Variants in JHY observed in about 807,000 individuals in gnomAD.
JHY encodes jhy protein homolog.
Under a neutral mutation model 78.0 loss-of-function variants are expected in JHY, and 69 were observed. The observed-to-expected ratio is 0.88, with a 90% CI of 0.73 to 1.08. The LOEUF (loss-of-function observed/expected upper bound fraction) is 1.08, where lower values mean the gene tolerates loss of function less well. Ranked by LOEUF, JHY falls within the 50% of genes least tolerant of loss-of-function variation. The pLI is 0.00. For synonymous variants in JHY, 368 were observed against 342.6 expected, an observed-to-expected ratio of 1.07 and a Z score of -0.82; for missense variants, 944 against 927.8, an observed-to-expected ratio of 1.02 and a Z score of -0.23.
chr11:122,905,155 C>T (rs374410628), intron 3 of JHY: 3 of 1,592,646 alleles, frequency 1.9e-6, no homozygotes, highest in Non-Finnish European at 2.6e-6. Context: ...TAATAAATGC[C>T]TTCTCTTCCT....
At chr11:122,916,750 A>G (rs1479648122) in intron 3 of JHY, among the ~76,000 whole-genome samples, 1 of 151,964 alleles carries the variant, frequency 6.6e-6, no homozygotes, top group African/African-American at 2.4e-5. Context: ...AGTAATTCTC[A>G]TGGCTCAGCC....
In JHY at chr11:122,945,296, A is replaced by G. The variant is rs546907696; in HGVS notation, c.1635-1202A>G. 3.9e-5 allele frequency among the ~76,000 whole-genome samples: 6 copies of G among 152,314 alleles called. No homozygotes were observed. In the South Asian group the frequency reaches 1.2e-3, roughly 32 times the overall value. ...TGTATCCACTGAGTTTTAAATTTCA[A>G]TAATGGTATTTTCCATGTCTAGAAT... On this transcript the variant is annotated intron_variant, in intron 5 of 8. Transcript: ENST00000227349.
intron 3 of JHY, among the ~76,000 whole-genome samples, chr11:122,908,208 A>G (rs1310595524): frequency 6.6e-6 from 1 of 152,184 alleles, no homozygotes; most frequent in African/African-American, 2.4e-5. Flanking sequence ...AGAGTGCACC[A>G]GAATCATCTG....
chr11:122,952,775 A>G (rs867224195), intron 6 of JHY, among the ~76,000 whole-genome samples: 7 of 152,336 alleles, frequency 4.6e-5, no homozygotes, highest in African/African-American at 1.4e-4. Context: ...CTTTCTCATC[A>G]TCTTTGGACA....
rs377354415 is a variant in JHY at position 122,959,451 on chromosome 11, A to G, written c.*6A>G. 119 of 1,613,438 alleles carry G rather than the reference A, an allele frequency of 7.4e-5. No homozygotes were observed. The highest frequency in any genetic ancestry group is 8.9e-5 in the Non-Finnish European group (105 of 1,179,738). ...AAGTCCTTCACATCGTATAGACAACATTTGATAGGAAGGAGACCAAAAATG... is the reference window on the plus strand; with the variant it reads ...AAGTCCTTCACATCGTATAGACAACGTTTGATAGGAAGGAGACCAAAAATG... On this transcript the variant is annotated 3_prime_UTR_variant, in exon 9 of 9. Coordinates refer to ENST00000227349, the MANE Select transcript of JHY (RefSeq NM_024806.4).
At chr11:122,937,414 G>T (rs1052872292) in intron 5 of JHY, among the ~76,000 whole-genome samples, 2 of 152,024 alleles carry the variant, frequency 1.3e-5, no homozygotes, top group African/African-American at 4.8e-5. Context: ...CTTTCTTGGA[G>T]CCAGACTTTG....
In JHY at chr11:122,935,180, G is replaced by T; in HGVS notation, c.1634+105G>T. 9.4e-7 allele frequency: 1 copy of T among 1,060,316 alleles called. No individual in the cohort carries two copies. Among genetic ancestry groups the T allele is most frequent in the Non-Finnish European group, 1.3e-6 (1 of 753,902 alleles). The allele number at this position is 1,060,316 out of a possible 1,614,324, so 65.7% of individuals were successfully genotyped here. ...GAAGGGGAATCCATAAGGTGGCTAG[G>T]TGAGAAGAAGAGTTCACCTAACAAC... On this transcript the variant is annotated intron_variant, in intron 5 of 8. Transcript: ENST00000227349. The surrounding 1 kb of genome is among the most constrained non-coding windows in gnomAD (Gnocchi z 4.5).
intron 3 of JHY, among the ~76,000 whole-genome samples, chr11:122,916,691 G>A (rs1024102633): frequency 6.6e-6 from 1 of 152,142 alleles, no homozygotes; most frequent in Non-Finnish European, 1.5e-5. Context: ...CCAGGCTAGA[G>A]CGCCGTGGCA....
At chr11:122,923,682 C>T (rs943739189) in intron 3 of JHY, among the ~76,000 whole-genome samples, 1 of 151,574 alleles carries the variant, frequency 6.6e-6, no homozygotes, top group Non-Finnish European at 1.5e-5. Context: ...ATTAGACCCA[C>T]CTGGGGAGCT....
Position 122,959,297 on chromosome 11 carries a change from C to G in JHY, c.2189C>G (p.Thr730Ser), listed in dbSNP as rs754929143. The stretch of plus-strand genomic sequence containing the variant: ...CCCAAACCCAAACCATCAAATCTGA[C>G]TCATCAAGCATCAAAGGAACAAAAA... ...TIPKPKPSNLTHQASKEQKNP... is the reference protein window; with the variant it reads ...TIPKPKPSNLSHQASKEQKNP... The change falls in exon 9 of 9, where the codon ACT becomes AGT. Residue 730 changes from threonine to serine, a missense_variant. Physicochemically the swap from Thr to Ser is moderately conservative, Grantham distance 58. Transcript: ENST00000227349. The G allele has an allele frequency of 1.2e-6, 2 of 1,614,122 alleles. No individual in the cohort carries two copies. Among genetic ancestry groups the G allele is most frequent in the South Asian group, 2.2e-5 (2 of 91,084 alleles).
At chr11:122,909,062 C>T (rs1174745353) in intron 3 of JHY, among the ~76,000 whole-genome samples, 3 of 152,008 alleles carry the variant, frequency 2.0e-5, no homozygotes, top group Non-Finnish European at 4.4e-5. Context: ...GTGTATTTTT[C>T]CTTGTTAATA....
At chr11:122,895,005 A>G (rs1459863106) in intron 2 of JHY, among the ~76,000 whole-genome samples, 1 of 152,068 alleles carries the variant, frequency 6.6e-6, no homozygotes, top group Admixed American at 6.5e-5. Context: ...GAACCATTTT[A>G]TTTCATATTT....
At chr11:122,891,304 A>AATT (rs1180123550) in intron 2 of JHY, among the ~76,000 whole-genome samples, 1 of 152,220 alleles carries the variant, frequency 6.6e-6, no homozygotes, top group East Asian at 1.9e-4. Context: ...TCCTCAAAGC[A>AATT]ATTATTCCCT....
At chr11:122,887,542 C>T (rs767730009) in intron 2 of JHY, among the ~76,000 whole-genome samples, 58 of 151,898 alleles carry the variant, frequency 3.8e-4, no homozygotes, top group Non-Finnish European at 7.6e-4. Flanking sequence ...AGGATGGTCT[C>T]GATCTCTTGA....
intron 6 of JHY, among the ~76,000 whole-genome samples, chr11:122,949,858 A>T: frequency 7.1e-6 from 1 of 141,712 alleles, no homozygotes; most frequent in African/African-American, 2.6e-5. Flanking sequence ...TTTTTTTGAG[A>T]CAGAATCTCG....
chr11:122,908,424 C>T (rs1863039530), intron 3 of JHY, among the ~76,000 whole-genome samples: 1 of 152,196 alleles, frequency 6.6e-6, no homozygotes, highest in Non-Finnish European at 1.5e-5. Flanking sequence ...TGTGAAAATA[C>T]AGATTGTGAT....
chr11:122,934,691 T>A lies in JHY; in HGVS notation c.1250T>A (p.Met417Lys). The A allele has an allele frequency of 6.2e-7, 1 of 1,614,170 alleles. No individual in the cohort carries two copies. The change falls in exon 5 of 9, where the codon ATG becomes AAG. Residue 417 changes from methionine (M) to lysine (K), a missense_variant. Transcript: ENST00000227349. ...TSTKPESIVI[M>K]HASNNDVQAS... ...ACAAAGCCTGAATCGATTGTGATTA[T>A]GCATGCCTCTAACAATGATGTACAA...
At chr11:122,932,553 T>C (rs1356832560) in intron 4 of JHY, among the ~76,000 whole-genome samples, 1 of 152,208 alleles carries the variant, frequency 6.6e-6, no homozygotes, top group Admixed American at 6.5e-5. Context: ...GGCAGCATCC[T>C]GGTTACTTCT....
In JHY at chr11:122,885,786, T is replaced by C. The variant is rs995747004; in HGVS notation, c.-64T>C. 2.3e-6 allele frequency: 3 copies of C among 1,315,214 alleles called. No homozygotes were observed. Among genetic ancestry groups the C allele is most frequent in the Non-Finnish European group, 1.1e-6 (1 of 949,640 alleles). 81.5% of individuals were successfully genotyped at this position (1,315,214 alleles called of 1,614,324 possible). A position where few individuals can be genotyped will look rare whatever the true frequency, so the allele number is the denominator to read the frequency against. ...GTAACGCTTTTGTGAACCACAACTTTAAATATCAGCCAGCTGCTCCTATCA... is the reference window on the plus strand; with the variant it reads ...GTAACGCTTTTGTGAACCACAACTTCAAATATCAGCCAGCTGCTCCTATCA... On this transcript the variant is annotated 5_prime_UTR_variant, in exon 2 of 9. Coordinates refer to ENST00000227349, the MANE Select transcript of JHY (RefSeq NM_024806.4).
Sources: allele counts gnomAD v4.1 joint callset (sites outside exome capture counted in the v4.1 genomes callset), GRCh38; gene constraint gnomAD v4.1.1; non-coding constraint Gnocchi (gnomAD v3.1); transcripts MANE v1.5; gene names NCBI Gene and HGNC (gene_info 2026-07-23, HGNC 2026-07-21).